The following MARCHF1 variants were observed in gnomAD, a reference collection of about 807,000 sequenced individuals.
The protein encoded by MARCHF1 is membrane associated ring-CH-type finger 1.
Under a neutral mutation model 54.2 loss-of-function variants are expected in MARCHF1, and 40 were observed. The observed-to-expected ratio is 0.74, with a 90% CI of 0.57 to 0.96. The LOEUF (loss-of-function observed/expected upper bound fraction) is 0.96, where lower values mean the gene tolerates loss of function less well. MARCHF1 is among the 40% of genes least tolerant of loss of function. The pLI, the probability that MARCHF1 is intolerant of heterozygous loss-of-function variation, is 0.00. For synonymous variants in MARCHF1, 236 were observed against 236.3 expected (o/e 1.00, Z 0.01); for missense variants, 586 against 656.5 (o/e 0.89, Z 1.17).
rs1216557881 is a variant in MARCHF1 at position 163,763,489 on chromosome 4, C to T, written c.112-62626G>A. Among the ~76,000 whole-genome samples the T allele has an allele frequency of 2.0e-5, 3 of 152,032 alleles. No homozygotes were observed. In the East Asian group the frequency reaches 5.8e-4, roughly 29 times the overall value. ...CTCATGCAAAATTGTCTGTTATATG[C>T]AGATACTCGTTTTTCTCAGAAGTAT... On this transcript the variant is annotated intron_variant, in intron 4 of 9. Coordinates refer to ENST00000514618, the MANE Select transcript of MARCHF1 (RefSeq NM_001394959.1).
At chr4:163,965,732 G>A (rs1198767489) in intron 3 of MARCHF1, among the ~76,000 whole-genome samples, 2 of 152,062 alleles carry the variant, frequency 1.3e-5, no homozygotes, top group Admixed American at 6.6e-5. Context: ...GTTGATCTAT[G>A]TCAATTATTC....
chr4:164,367,779 T>A (rs1730917647), intron 1 of MARCHF1, among the ~76,000 whole-genome samples: 1 of 152,024 alleles, frequency 6.6e-6, no homozygotes, highest in African/African-American at 2.4e-5. Flanking sequence ...TATCTTTTTT[T>A]AAAGTTTTAA....
At chr4:163,562,810 G>A (rs1739515600) in intron 8 of MARCHF1, among the ~76,000 whole-genome samples, 1 of 152,096 alleles carries the variant, frequency 6.6e-6, no homozygotes, top group African/African-American at 2.4e-5. Flanking sequence ...GTTCTTCCCA[G>A]TTAATAATTA....
At chr4:163,809,818 G>A (rs1748333987) in intron 4 of MARCHF1, among the ~76,000 whole-genome samples, 1 of 152,050 alleles carries the variant, frequency 6.6e-6, no homozygotes, top group Admixed American at 6.6e-5. Context: ...AATTTAAAAT[G>A]TTAAGAACTG....
At chr4:164,343,316 G>A (rs528385437) in intron 1 of MARCHF1, among the ~76,000 whole-genome samples, 2 of 152,020 alleles carry the variant, frequency 1.3e-5, no homozygotes, top group East Asian at 1.9e-4. Context: ...TTTTTAAATA[G>A]TCTGTTCACC....
At chr4:164,033,044 A>T (rs1200593585) in intron 2 of MARCHF1, among the ~76,000 whole-genome samples, 2 of 152,122 alleles carry the variant, frequency 1.3e-5, no homozygotes. Context: ...GACAAAAACA[A>T]GCAATGGGGA....
chr4:163,914,492 G>T (rs1165723469), intron 3 of MARCHF1, among the ~76,000 whole-genome samples: 2 of 152,016 alleles, frequency 1.3e-5, no homozygotes, highest in East Asian at 3.9e-4. Flanking sequence ...AGAAGAGAAA[G>T]ATTAAAACTT....
intron 1 of MARCHF1, among the ~76,000 whole-genome samples, chr4:164,284,957 T>C (rs960157322): frequency 1.4e-5 from 2 of 146,604 alleles, no homozygotes; most frequent in African/African-American, 2.5e-5. Flanking sequence ...TGGCTGATTT[T>C]GTTTTTCTTT....
At chr4:164,373,527 G>A (rs1731099519) in intron 1 of MARCHF1, among the ~76,000 whole-genome samples, 1 of 151,564 alleles carries the variant, frequency 6.6e-6, no homozygotes, top group Admixed American at 6.6e-5. Flanking sequence ...GCTAATTTTT[G>A]TATTTTTAGT....
At chr4:164,051,368 C>T (rs1038411514) in intron 2 of MARCHF1, among the ~76,000 whole-genome samples, 32 of 152,076 alleles carry the variant, frequency 2.1e-4, no homozygotes, top group Non-Finnish European at 2.1e-4. Flanking sequence ...TAAAAGGGAA[C>T]ACTTTAGAAT....
intron 1 of MARCHF1, among the ~76,000 whole-genome samples, chr4:164,324,882 A>T (rs949560906): frequency 1.3e-5 from 2 of 151,724 alleles, no homozygotes; most frequent in Non-Finnish European, 3.0e-5. Context: ...AGAAAGTCTT[A>T]AAAATTTAAC....
In MARCHF1 at chr4:163,528,579, T is replaced by C; in HGVS notation, c.*169A>G. On this transcript the variant is annotated 3_prime_UTR_variant, in exon 10 of 10. Coordinates refer to ENST00000514618, the MANE Select transcript of MARCHF1 (RefSeq NM_001394959.1). ...TATTACTTCATGGGCTCCTGGGCAT[T>C]TGGTCTGTTTGTTTTTCTCCTTTCC... 1.6e-6 allele frequency: 1 copy of C among 632,158 alleles called. No homozygotes were observed. The highest frequency in any genetic ancestry group is 2.8e-5 in the East Asian group (1 of 35,840). 39.2% of individuals were successfully genotyped at this position (632,158 alleles called of 1,614,324 possible). A position where few individuals can be genotyped will look rare whatever the true frequency, so the allele number is the denominator to read the frequency against.
chr4:164,201,475 C>CTCCCAAAGTGCTGGGAT (rs1420558208), intron 1 of MARCHF1, among the ~76,000 whole-genome samples: 33 of 152,136 alleles, frequency 2.2e-4, no homozygotes, highest in African/African-American at 7.2e-4. Context: ...CCGCCTGGGA[C>CTCCCAAAGTGCTGGGAT]TCCCAAAGTG....
chr4:163,935,061 TAACAGAC>T (rs1352393858), intron 3 of MARCHF1, among the ~76,000 whole-genome samples: 1 of 152,150 alleles, frequency 6.6e-6, no homozygotes, highest in Non-Finnish European at 1.5e-5. Context: ...GGTGTTGTGT[TAACAGAC>T]ATACAAACAA....
intron 3 of MARCHF1, among the ~76,000 whole-genome samples, chr4:163,866,113 A>AT (rs905373052): frequency 6.6e-6 from 1 of 151,214 alleles, no homozygotes; most frequent in Non-Finnish European, 1.5e-5. Flanking sequence ...ACATCATTTA[A>AT]TTTTTTTTAA....
chr4:163,975,357 T>C (rs896872206), intron 3 of MARCHF1, among the ~76,000 whole-genome samples: 6 of 152,138 alleles, frequency 3.9e-5, no homozygotes, highest in African/African-American at 1.2e-4. Context: ...TCACTTGTGA[T>C]GGACAAAATA....
chr4:164,103,102 C>G (rs1396055550), intron 2 of MARCHF1, among the ~76,000 whole-genome samples: 3 of 53,940 alleles, frequency 5.6e-5, no homozygotes, highest in African/African-American at 2.0e-4. Flanking sequence ...CAGGAGCACC[C>G]AGATTCATAA....
At chr4:163,914,973 T>C (rs1316746970) in intron 3 of MARCHF1, among the ~76,000 whole-genome samples, 2 of 152,032 alleles carry the variant, frequency 1.3e-5, no homozygotes, top group African/African-American at 4.8e-5. Flanking sequence ...GTGGCCAAAA[T>C]AAGGCTGGAG....
intron 2 of MARCHF1, among the ~76,000 whole-genome samples, chr4:163,992,766 C>CATTAA (rs1752992420): frequency 2.0e-5 from 3 of 148,282 alleles, no homozygotes; most frequent in African/African-American, 4.9e-5. Context: ...AATTACATTA[C>CATTAA]TTATAAAATA....
Sources: gnomAD v4.1 joint callset for allele counts (sites outside exome capture counted in the v4.1 genomes callset) on GRCh38, gnomAD v4.1.1 for gene constraint, MANE v1.5 for transcripts, NCBI Gene and HGNC (gene_info 2026-07-23, HGNC 2026-07-21) for gene names.